KIF18B: variants seen among roughly 807,000 people sequenced by gnomAD.
KIF18B encodes kinesin-like protein KIF18B.
Under a neutral mutation model 80.9 loss-of-function variants are expected in KIF18B, and 49 were observed. The ratio of observed to expected loss-of-function variants is 0.61; its 90% CI spans 0.48 to 0.77. KIF18B has a LOEUF of 0.77. Ranked by LOEUF, KIF18B falls within the 30% of genes least tolerant of loss-of-function variation. The pLI is 0.00. For synonymous variants in KIF18B, 439 were observed against 463.9 expected (o/e 0.95, Z 0.69); for missense variants, 994 against 1,127.7 (o/e 0.88, Z 1.70).
In KIF18B at chr17:44,936,350, T is replaced by C; in HGVS notation, c.-6A>G. ...GTGCTGTCCTCCACTGCCATCACTGTGGTGACACCTGGGTGAGACATGGTG... is the reference window on the plus strand; with the variant it reads ...GTGCTGTCCTCCACTGCCATCACTGCGGTGACACCTGGGTGAGACATGGTG... On this transcript the variant is annotated 5_prime_UTR_variant, in exon 2 of 16. Coordinates refer to ENST00000593135, the MANE Select transcript of KIF18B (RefSeq NM_001265577.2). The C allele has an allele frequency of 6.3e-7, 1 of 1,596,156 alleles. No individual in the cohort carries two copies. Among genetic ancestry groups the C allele is most frequent in the Non-Finnish European group, 8.5e-7 (1 of 1,173,036 alleles).
chr17:44,932,689 C>T lies in KIF18B; in HGVS notation c.1222G>A (p.Gly408Arg). The change falls in exon 9 of 16, where the codon GGA becomes AGA. Residue 408 changes from glycine to arginine, a missense_variant. By Grantham distance (125) the Gly-to-Arg change is moderately radical. Transcript: ENST00000593135. Reference protein sequence around the residue: ...PQDLPGSPKSGPPPEHQPCTP... With the variant: ...PQDLPGSPKSRPPPEHQPCTP... ...GGAACTCACTGTTCTGGTGGTGGTCCCGACTTGGGAGATCCTGGGAGGTCC... is the reference window on the plus strand; with the variant it reads ...GGAACTCACTGTTCTGGTGGTGGTCTCGACTTGGGAGATCCTGGGAGGTCC... 2 of 1,611,332 alleles carry T rather than the reference C, an allele frequency of 1.2e-6. No individual in the cohort carries two copies. Among genetic ancestry groups the T allele is most frequent in the Admixed American group, 1.7e-5 (1 of 59,984 alleles).
intron 11 of KIF18B, among the ~76,000 whole-genome samples, chr17:44,931,012 G>A (rs149819564): frequency 8.8e-4 from 134 of 152,250 alleles, no homozygotes; most frequent in African/African-American, 3.2e-3. Flanking sequence ...GGGAAGAGCG[G>A]GATGGCAGTA....
intron 1 of KIF18B, among the ~76,000 whole-genome samples, chr17:44,943,257 G>A (rs983639437): frequency 6.6e-6 from 1 of 151,890 alleles, no homozygotes; most frequent in African/African-American, 2.4e-5. Context: ...CCGCCACCAC[G>A]CCCGACTAAT....
chr17:44,944,624 G>A (rs1047014990), intron 1 of KIF18B, among the ~76,000 whole-genome samples: 2 of 152,172 alleles, frequency 1.3e-5, no homozygotes, highest in African/African-American at 4.8e-5. Flanking sequence ...TATAGGGACG[G>A]TTTGTGTAAA....
At position 44,928,193 on chromosome 17, in the gene KIF18B, A is replaced by G; in HGVS notation, c.2109T>C (p.Pro703=). 1 of 1,612,068 alleles carries G rather than the reference A, an allele frequency of 6.2e-7. No homozygotes were observed. Among genetic ancestry groups the G allele is most frequent in the East Asian group, 2.2e-5 (1 of 44,862 alleles). The change falls in exon 13 of 16, where the codon CCT becomes CCC. Residue 703 remains proline (P), a synonymous_variant. Transcript: ENST00000593135. ...TVIKSRVPLG[P]SAMQNCSTPL... ...GGGTGGAGCAGTTCTGCATGGCGGA[A>G]GGGCCCAGGGGCACCCGGCTTTTGA...
At chr17:44,932,242 G>C (rs752022013) in intron 9 of KIF18B, 36 bp from the exon 10 acceptor site, 1 of 1,557,030 alleles carries the variant, frequency 6.4e-7, no homozygotes, top group Non-Finnish European at 8.7e-7. Flanking sequence ...AGCTGGGAAG[G>C]CTAAGCGGGA....
chr17:44,943,878 G>A (rs1379881170), intron 1 of KIF18B, among the ~76,000 whole-genome samples: 1 of 152,050 alleles, frequency 6.6e-6, no homozygotes, highest in Admixed American at 6.6e-5. Flanking sequence ...CACCATCCCT[G>A]GCTAATTTTT....
chr17:44,932,477 G>A (rs2052177866), intron 9 of KIF18B, 196 bp downstream of exon 9: 1 of 596,878 alleles, frequency 1.7e-6, no homozygotes. Context: ...CTTACGGGCT[G>A]GGGTGCCATT....
In KIF18B at chr17:44,933,988, G is replaced by T; in HGVS notation, c.997C>A (p.Leu333Met). The change falls in exon 7 of 16, where the codon CTG (leucine) becomes ATG (methionine). Residue 333 changes from leucine to methionine, a missense_variant. Physicochemically the swap from Leu to Met is conservative, Grantham distance 15. Coordinates refer to ENST00000593135, the MANE Select transcript of KIF18B (RefSeq NM_001265577.2). ...VMIAAISPSS[L>M]TYEDTYNTLK... ...GTGTTGTACGTGTCCTCGTAGGTCA[G>T]GCTGGAGGGGCTGATGGCAGCGATC... 1 of 1,606,042 alleles carries T rather than the reference G, an allele frequency of 6.2e-7. No individual in the cohort carries two copies. Among genetic ancestry groups the T allele is most frequent in the South Asian group, 1.1e-5 (1 of 89,450 alleles).
chr17:44,934,137 A>T lies in KIF18B; in HGVS notation c.886-38T>A, dbSNP rs2052223382. The T allele has an allele frequency of 6.2e-7, 1 of 1,606,874 alleles. No individual in the cohort carries two copies. The highest frequency in any genetic ancestry group is 1.3e-5 in the African/African-American group (1 of 74,826). On this transcript the variant is annotated intron_variant, in intron 6 of 15. Coordinates refer to ENST00000593135, the MANE Select transcript of KIF18B (RefSeq NM_001265577.2). This position sits in a 1 kb window ranked among gnomAD's most constrained non-coding sequence, Gnocchi z 5.4. ...AAGCAGGTGTGGGGTGAGGCGACTGATGGCACTGACCCAGGATGGGGCCCT... is the reference window on the plus strand; with the variant it reads ...AAGCAGGTGTGGGGTGAGGCGACTGTTGGCACTGACCCAGGATGGGGCCCT...
At chr17:44,943,044 C>A (rs1364403131) in intron 1 of KIF18B, among the ~76,000 whole-genome samples, 1 of 152,148 alleles carries the variant, frequency 6.6e-6, no homozygotes, top group Non-Finnish European at 1.5e-5. Flanking sequence ...AGAACAGCAC[C>A]CCCGATCCAC....
intron 1 of KIF18B, among the ~76,000 whole-genome samples, chr17:44,941,377 C>T (rs1339024693): frequency 6.9e-6 from 1 of 144,580 alleles, no homozygotes; most frequent in Non-Finnish European, 1.5e-5. Context: ...CTCGCTCTGT[C>T]GCCCAGACTA....
chr17:44,933,844 G>T, intron 7 of KIF18B, 79 bp downstream of exon 7: 1 of 1,345,972 alleles, frequency 7.4e-7, no homozygotes, highest in Non-Finnish European at 1.0e-6. Context: ...GGGATCTATT[G>T]GAGCTGCCTG....
In KIF18B at chr17:44,928,461, T is replaced by C. The variant is rs1221637332; in HGVS notation, c.1841A>G (p.Asn614Ser). 2.6e-6 allele frequency: 4 copies of C among 1,534,006 alleles called. No homozygotes were observed. Among genetic ancestry groups the C allele is most frequent in the Non-Finnish European group, 1.7e-6 (2 of 1,145,232 alleles). ...LHTLGIPPGP[N>S]CTPAQGSRWP... ...TCGGGACCCCTGGGCTGGGGTGCAG[T>C]TGGGTCCAGGCGGGATTCCCAGGGT... Residue 614 changes from asparagine to serine, a missense_variant, in exon 13 of 16, where the codon AAC (asparagine) becomes AGC (serine). Transcript: ENST00000593135.
intron 11 of KIF18B, among the ~76,000 whole-genome samples, chr17:44,929,307 G>A (rs2052100627): frequency 6.6e-6 from 1 of 152,246 alleles, no homozygotes; most frequent in African/African-American, 2.4e-5. Context: ...ACAGTGATCT[G>A]AGAAGTAGGG....
At chr17:44,936,598 C>CTCTCTATA (rs1183735794) in intron 1 of KIF18B, among the ~76,000 whole-genome samples, 31 of 27,840 alleles carry the variant, frequency 1.1e-3, no homozygotes, top group Non-Finnish European at 1.7e-3. Flanking sequence ...CTCTCTCTCT[C>CTCTCTATA]TATATATATA....
intron 15 of KIF18B, 104 bp downstream of exon 15, chr17:44,926,310 C>T (rs778679211): frequency 1.2e-5 from 19 of 1,559,528 alleles, no homozygotes; most frequent in Admixed American, 1.2e-4. Flanking sequence ...TTGGCAATAC[C>T]CTAGGCCCTC....
At chr17:44,938,458 G>T (rs1003754287) in intron 1 of KIF18B, among the ~76,000 whole-genome samples, 2 of 152,142 alleles carry the variant, frequency 1.3e-5, no homozygotes, top group African/African-American at 4.8e-5. Flanking sequence ...CACTTAAATA[G>T]TCAGACATGT....
chr17:44,937,245 C>T (rs1017717256), intron 1 of KIF18B, among the ~76,000 whole-genome samples: 1 of 152,156 alleles, frequency 6.6e-6, no homozygotes, highest in Non-Finnish European at 1.5e-5. Flanking sequence ...CCTCTCCTCC[C>T]TCAAAAACCC....
Sources: allele counts gnomAD v4.1 joint callset (sites outside exome capture counted in the v4.1 genomes callset), GRCh38; gene constraint gnomAD v4.1.1; non-coding constraint Gnocchi (gnomAD v3.1); transcripts MANE v1.5; gene names NCBI Gene and HGNC (gene_info 2026-07-23, HGNC 2026-07-21).